TUSC3: variants seen among roughly 807,000 people sequenced by gnomAD.
TUSC3 encodes the protein dolichyl-diphosphooligosaccharide--protein glycosyltransferase subunit TUSC3.
TUSC3 carries 45 observed loss-of-function variants against 44.8 expected under a neutral mutation model. The observed-to-expected ratio is 1.00, with a 90% CI of 0.79 to 1.29. TUSC3 has a LOEUF of 1.29. Ranked by LOEUF, TUSC3 falls within the 50% of genes most tolerant of loss-of-function variation. The pLI is 0.00. For synonymous variants in TUSC3, 212 were observed against 152.9 expected (o/e 1.39, Z -2.85); for missense variants, 519 against 437.9 (o/e 1.19, Z -1.65).
intron 6 of TUSC3, among the ~76,000 whole-genome samples, chr8:15,684,573 G>T (rs1338649382): frequency 2.0e-5 from 3 of 152,144 alleles, no homozygotes; most frequent in East Asian, 3.9e-4. Flanking sequence ...GACTCCCTGG[G>T]GAAGAAGCTG....
At position 15,435,010 on chromosome 8, in the gene TUSC3, C is replaced by G. The variant is rs1799927549; in HGVS notation, n.91+17705C>G. Among the ~76,000 whole-genome samples the G allele has an allele frequency of 2.7e-5, 4 of 148,442 alleles. No homozygotes were observed. In the South Asian group the frequency reaches 8.8e-4, roughly 33 times the overall value. On this transcript the variant is annotated intron_variant and non_coding_transcript_variant, in intron 1 of 5. Transcript: ENST00000503191. Reference sequence around the variant, plus strand: ...GCAGTAAACATACGTGTGCATGTGTCTTTATAGCAGCATGATTTATAATCC... The same window carrying G: ...GCAGTAAACATACGTGTGCATGTGTGTTTATAGCAGCATGATTTATAATCC...
chr8:15,670,821 T>C (rs1277633532), intron 5 of TUSC3, among the ~76,000 whole-genome samples: 1 of 151,846 alleles, frequency 6.6e-6, no homozygotes, highest in South Asian at 2.1e-4. Context: ...CCCAGAAATA[T>C]AAAGAATCTT....
the TUSC3 span, among the ~76,000 whole-genome samples, chr8:15,789,784 A>G: frequency 1.3e-5 from 2 of 152,210 alleles, no homozygotes; most frequent in African/African-American, 2.4e-5. Flanking sequence ...CCTGCTCTCA[A>G]TGACCTTAAA....
At chr8:15,499,193 C>T (rs1356209944) in intron 2 of TUSC3, among the ~76,000 whole-genome samples, 1 of 152,092 alleles carries the variant, frequency 6.6e-6, no homozygotes, top group East Asian at 1.9e-4. Context: ...CTCTCTCTTT[C>T]TATGTTTTAC....
At chr8:15,437,675 A>C (rs1309978563) in intron 1 of TUSC3, among the ~76,000 whole-genome samples, 2 of 152,212 alleles carry the variant, frequency 1.3e-5, no homozygotes, top group Non-Finnish European at 2.9e-5. Flanking sequence ...ACTCGCTTTG[A>C]AATAACAGAG....
Position 15,497,738 on chromosome 8 carries a change from C to CT in TUSC3, n.189+14265dup, listed in dbSNP as rs57896247. Among the ~76,000 whole-genome samples, 257 of 149,636 alleles carry CT rather than the reference C, an allele frequency of 1.7e-3. 1 individual carries two copies. The highest frequency in any genetic ancestry group is 5.8e-3 in the African/African-American group (234 of 40,684). ...TCTTTCTTTTTCTTTGTTTCTTCTT[C>CT]TTTTTTTTTTCTTTTTCTTTTTTTG... On this transcript the variant is annotated intron_variant and non_coding_transcript_variant, in intron 2 of 5. Transcript: ENST00000503191.
Position 15,522,293 on chromosome 8 carries a change from T to C in TUSC3, n.189+38810T>C, listed in dbSNP as rs1464266571. On this transcript the variant is annotated intron_variant and non_coding_transcript_variant, in intron 2 of 5. Coordinates refer to the TUSC3 transcript ENST00000503191. ...TATCGCCCATGCTGGAGTGCAGTGG[T>C]GCTATCTTGGCTCACTGCAACCTCT... Among the ~76,000 whole-genome samples, 9 of 151,982 alleles carry C rather than the reference T, an allele frequency of 5.9e-5. No individual in the cohort carries two copies. The Middle Eastern group carries it at 0.01, about 172-fold the overall frequency.
chr8:15,615,718 T>G (rs114989205), intron 1 of TUSC3, among the ~76,000 whole-genome samples: 3,477 of 152,104 alleles, frequency 0.023, 117 homozygotes, highest in African/African-American at 0.078. Flanking sequence ...TGTAGAAATA[T>G]CCCTCTCTAC....
intron 1 of TUSC3, among the ~76,000 whole-genome samples, chr8:15,583,367 G>C (rs891778051): frequency 2.0e-5 from 3 of 152,140 alleles, no homozygotes; most frequent in East Asian, 1.9e-4. Flanking sequence ...TTGAAAGCTA[G>C]AGCTAGCGCA....
chr8:15,791,591 T>C, the TUSC3 span, among the ~76,000 whole-genome samples: 1 of 152,196 alleles, frequency 6.6e-6, no homozygotes, highest in East Asian at 1.9e-4. Flanking sequence ...TTCTCTTTTA[T>C]ATTAGGCCTG....
intron 2 of TUSC3, among the ~76,000 whole-genome samples, chr8:15,496,360 A>T (rs1286709026): frequency 6.6e-6 from 1 of 152,142 alleles, no homozygotes; most frequent in Non-Finnish European, 1.5e-5. Context: ...GGGCCATCCT[A>T]ACTGTGAATT....
intron 2 of TUSC3, among the ~76,000 whole-genome samples, chr8:15,650,173 A>G (rs893673858): frequency 6.6e-6 from 1 of 152,222 alleles, no homozygotes; most frequent in Non-Finnish European, 1.5e-5. Context: ...GCATTTTGAG[A>G]TAAATGGAAT....
intron 6 of TUSC3, among the ~76,000 whole-genome samples, chr8:15,728,251 C>G (rs1165285005): frequency 1.3e-5 from 2 of 152,170 alleles, no homozygotes; most frequent in African/African-American, 2.4e-5. Context: ...CAGATCAACT[C>G]TAGGGTAGAG....
chr8:15,463,272 A>C (rs1429577768), intron 1 of TUSC3, among the ~76,000 whole-genome samples: 1 of 152,150 alleles, frequency 6.6e-6, no homozygotes, highest in African/African-American at 2.4e-5. Flanking sequence ...GAAGAATAAA[A>C]ATATATGCTG....
chr8:15,467,277 C>CAAAAA (rs11371796), intron 1 of TUSC3, among the ~76,000 whole-genome samples: 1 of 103,056 alleles, frequency 9.7e-6, no homozygotes. Context: ...GTTCTTTAGC[C>CAAAAA]AAAAAAAAAA....
At chr8:15,743,256 G>C (rs1811271185) in intron 7 of TUSC3, among the ~76,000 whole-genome samples, 1 of 152,176 alleles carries the variant, frequency 6.6e-6, no homozygotes, top group African/African-American at 2.4e-5. Flanking sequence ...GGTTTTGAGA[G>C]TCCATATAGT....
intron 1 of TUSC3, among the ~76,000 whole-genome samples, chr8:15,440,004 T>C (rs1022114294): frequency 3.9e-5 from 6 of 152,214 alleles, no homozygotes; most frequent in African/African-American, 1.4e-4. Flanking sequence ...GGCACAGGGA[T>C]AAGTAAAGGC....
the TUSC3 span, among the ~76,000 whole-genome samples, chr8:15,781,781 A>G: frequency 1.3e-5 from 2 of 152,160 alleles, no homozygotes; most frequent in Non-Finnish European, 2.9e-5. Context: ...AATGCTTCCA[A>G]ACTCATCTTA....
At chr8:15,423,969 GT>G (rs112397215) in intron 1 of TUSC3, among the ~76,000 whole-genome samples, 35 of 70,380 alleles carry the variant, frequency 5.0e-4, no homozygotes, top group East Asian at 1.1e-3. Context: ...GTTTTGCTTT[GT>G]TTTTTTTTTT....
Sources: allele counts gnomAD v4.1 joint callset (sites outside exome capture counted in the v4.1 genomes callset), GRCh38; gene constraint gnomAD v4.1.1; transcripts MANE v1.5; gene names NCBI Gene and HGNC (gene_info 2026-07-23, HGNC 2026-07-21).